INTS3: variants seen among roughly 807,000 people sequenced by gnomAD.
The protein encoded by INTS3 is SOSS complex subunit A.
In INTS3, 34 loss-of-function variants were observed where a neutral mutation model predicts 146.3. The ratio of observed to expected loss-of-function variants is 0.23; its 90% CI spans 0.18 to 0.31. The LOEUF (loss-of-function observed/expected upper bound fraction) is 0.31. INTS3 is among the 10% of genes least tolerant of loss of function. The pLI is 1.00. For missense variants in INTS3, 757 were observed against 1,304.2 expected (o/e 0.58, Z 6.46); for synonymous variants, 475 against 494.9 (o/e 0.96, Z 0.53).
At chr1:153,744,047 G>A (rs1312128906) in intron 3 of INTS3, among the ~76,000 whole-genome samples, 1 of 136,758 alleles carries the variant, frequency 7.3e-6, no homozygotes. Context: ...GCGTGTGTGT[G>A]TGTGTGTGTG....
Position 153,728,544 on chromosome 1 carries a change from G to A in INTS3, c.-91G>A. On this transcript the variant is annotated 5_prime_UTR_variant, in exon 1 of 30. Coordinates refer to ENST00000318967, the MANE Select transcript of INTS3 (RefSeq NM_023015.5). ...CTCCCCTCCCCAACTTGTTCCTCTT[G>A]CCCCCCAGTCCCTGGCAATCCAGAG... The A allele has an allele frequency of 2.1e-6, 3 of 1,457,418 alleles. No individual in the cohort carries two copies. The highest frequency in any genetic ancestry group is 2.7e-6 in the Non-Finnish European group (3 of 1,093,924). The allele number at this position is 1,457,418 out of a possible 1,614,324, so 90.3% of individuals were successfully genotyped here.
Position 153,747,314 on chromosome 1 carries a change from G to A in INTS3, c.468G>A (p.Gly156=), listed in dbSNP as rs1288341879. ...VWLVRELVKS[G]VLGADGVCMT... is the part of the protein sequence containing the mutation. ...TGGTACGGGAACTGGTGAAGAGTGG[G>A]GTTCTGGGAGCCGATGGTGTTTGTA... Residue 156 remains glycine, a synonymous_variant, in exon 5 of 30, where the codon GGG becomes GGA. Transcript: ENST00000318967. 1.2e-6 allele frequency: 2 copies of A among 1,614,050 alleles called. No individual in the cohort carries two copies. Among genetic ancestry groups the A allele is most frequent in the African/African-American group, 1.3e-5 (1 of 74,922 alleles).
intron 15 of INTS3, 146 bp from the exon 16 acceptor site, chr1:153,763,087 C>A: frequency 8.8e-7 from 1 of 1,133,712 alleles, no homozygotes; most frequent in Non-Finnish European, 1.3e-6. Context: ...TGTGCACAGT[C>A]AGGGAGATGC....
At chr1:153,771,693 G>C (rs1466369854) in intron 25 of INTS3, 103 bp from the exon 26 acceptor site, 15 of 1,091,346 alleles carry the variant, frequency 1.4e-5, no homozygotes, top group Non-Finnish European at 1.7e-5. Context: ...TGTGAGAGTA[G>C]TGGGTGGGTG....
chr1:153,763,746 G>A, intron 16 of INTS3, 86 bp from the exon 17 acceptor site: 1 of 1,132,848 alleles, frequency 8.8e-7, no homozygotes. Flanking sequence ...GTGCATGTGA[G>A]TGTGCTTGTG....
chr1:153,768,274 G>C (rs1160122310), intron 21 of INTS3, among the ~76,000 whole-genome samples: 1 of 152,158 alleles, frequency 6.6e-6, no homozygotes, highest in Non-Finnish European at 1.5e-5. Flanking sequence ...CTAGGAACTG[G>C]GACATAACAG....
intron 25 of INTS3, 95 bp downstream of exon 25, chr1:153,770,828 AT>A: frequency 2.1e-6 from 2 of 971,416 alleles, no homozygotes; most frequent in Non-Finnish European, 3.3e-6. Flanking sequence ...TTATTGCCAT[AT>A]TTTTTCCTGT....
intron 20 of INTS3, chr1:153,767,356 A>G: frequency 3.6e-6 from 1 of 279,146 alleles, no homozygotes; most frequent in Non-Finnish European, 6.7e-6. Context: ...GAGCCCAGAA[A>G]GCAAGAGAGA....
rs562685738 is a variant in INTS3 at position 153,759,197 on chromosome 1, C to T, written c.1150-329C>T. Among the ~76,000 whole-genome samples the T allele has an allele frequency of 9.8e-4, 148 of 151,366 alleles. 1 individual carries two copies. The highest frequency in any genetic ancestry group is 1.8e-3 in the Non-Finnish European group (123 of 67,932). ...GCTGAGGTGAGAGGCTCTCTCGAGCCTGGGCGGTGGAGGTTGCAGTGAGCT... is the reference window on the plus strand; with the variant it reads ...GCTGAGGTGAGAGGCTCTCTCGAGCTTGGGCGGTGGAGGTTGCAGTGAGCT... On this transcript the variant is annotated intron_variant, in intron 10 of 29. Coordinates refer to ENST00000318967, the MANE Select transcript of INTS3 (RefSeq NM_023015.5).
chr1:153,756,510 T>C (rs1672167804), intron 9 of INTS3, among the ~76,000 whole-genome samples: 1 of 149,380 alleles, frequency 6.7e-6, no homozygotes, highest in Non-Finnish European at 1.5e-5. Context: ...AATGAGACCC[T>C]GTCTCTTAAA....
chr1:153,735,666 A>G (rs993738512), intron 1 of INTS3, among the ~76,000 whole-genome samples: 3 of 152,190 alleles, frequency 2.0e-5, no homozygotes, highest in African/African-American at 4.8e-5. Flanking sequence ...AGTAAGAGCA[A>G]TCTGAACCTA....
At chr1:153,732,941 G>A (rs1310205661) in intron 1 of INTS3, among the ~76,000 whole-genome samples, 1 of 149,896 alleles carries the variant, frequency 6.7e-6, no homozygotes, top group Non-Finnish European at 1.5e-5. Context: ...GTAGCTAGGA[G>A]TAAAGGCACG....
chr1:153,751,204 GA>G lies in INTS3; in HGVS notation c.696del (p.Val233Ter). The G allele has an allele frequency of 6.2e-7, 1 of 1,614,200 alleles. No individual in the cohort carries two copies. Among genetic ancestry groups the G allele is most frequent in the Non-Finnish European group, 8.5e-7 (1 of 1,180,030 alleles). On this transcript the variant is annotated frameshift_variant, in exon 7 of 30. Coordinates refer to ENST00000318967, the MANE Select transcript of INTS3 (RefSeq NM_023015.5). LOFTEE classifies it high-confidence loss of function. ...CCAGCTCCAGGCCCTGCGACAGAAGGAAGTAGACTTCTGCATCTCACTGCTT... is the reference window on the plus strand; with the variant it reads ...CCAGCTCCAGGCCCTGCGACAGAAGGAGTAGACTTCTGCATCTCACTGCTT... The part of the protein sequence containing the change: ...TAQLQALRQK[E>X]VDFCISLLRE...
At chr1:153,758,067 T>C (rs1435475690) in intron 10 of INTS3, among the ~76,000 whole-genome samples, 8 of 152,206 alleles carry the variant, frequency 5.3e-5, no homozygotes, top group African/African-American at 1.9e-4. Flanking sequence ...TATACAGCTA[T>C]TCCTCTTAAC....
Position 153,772,511 on chromosome 1 carries a change from TG to T in INTS3, c.2821+76del. 6.2e-7 allele frequency: 1 copy of T among 1,613,312 alleles called. No homozygotes were observed. Among genetic ancestry groups the T allele is most frequent in the South Asian group, 1.1e-5 (1 of 91,058 alleles). ...GCCCAGACTATGCCTGGAGCCAGGCTGGGGGCAGGGGCAGGACACCCGGGGC... is the reference window on the plus strand; with the variant it reads ...GCCCAGACTATGCCTGGAGCCAGGCTGGGGCAGGGGCAGGACACCCGGGGC... On this transcript the variant is annotated intron_variant, in intron 27 of 29. Coordinates refer to ENST00000318967, the MANE Select transcript of INTS3 (RefSeq NM_023015.5). This position sits in a 1 kb window ranked among gnomAD's most constrained non-coding sequence, Gnocchi z 4.6.
Position 153,765,965 on chromosome 1 carries a change from C to T in INTS3, c.2090+902C>T, listed in dbSNP as rs574367630. On this transcript the variant is annotated intron_variant, in intron 20 of 29. Transcript: ENST00000318967. ...TATCACCCCAAAAAGAAATCTCATA[C>T]TCATTAGCAATCACTTTGCCATTTT... Among the ~76,000 whole-genome samples the T allele has an allele frequency of 5.3e-5, 8 of 152,240 alleles. No homozygotes were observed. In the South Asian group the frequency reaches 1.7e-3, roughly 32 times the overall value.
intron 20 of INTS3, chr1:153,766,803 C>T (rs1172765143): frequency 6.6e-6 from 1 of 151,710 alleles, no homozygotes; most frequent in Non-Finnish European, 1.5e-5. Flanking sequence ...AATTCTCCTG[C>T]CTCAGCCTGC....
In INTS3 at chr1:153,773,065, G is replaced by A. The variant is rs1241740990; in HGVS notation, c.3035G>A (p.Gly1012Asp). The change falls in exon 29 of 30, where the codon GGC becomes GAC. Residue 1012 changes from glycine to aspartate, a missense_variant. Transcript: ENST00000318967. Reference protein sequence around the residue: ...TQPPNAEEESGSSSASEEEDT... With the variant: ...TQPPNAEEESDSSSASEEEDT... Reference sequence around the variant, plus strand: ...CCCCCCAATGCCGAAGAAGAGTCGGGCTCCAGCAGTGCTTCAGTGAGAACC... The same window carrying A: ...CCCCCCAATGCCGAAGAAGAGTCGGACTCCAGCAGTGCTTCAGTGAGAACC... 1.2e-6 allele frequency: 2 copies of A among 1,614,166 alleles called. No individual in the cohort carries two copies. The highest frequency in any genetic ancestry group is 1.7e-6 in the Non-Finnish European group (2 of 1,180,036).
At chr1:153,748,450 C>G in intron 5 of INTS3, 1 of 557,310 alleles carries the variant, frequency 1.8e-6, no homozygotes, top group Non-Finnish European at 3.3e-6. Flanking sequence ...AACTCACAAT[C>G]TGTGGGAAAG....
Sources: allele counts gnomAD v4.1 joint callset (sites outside exome capture counted in the v4.1 genomes callset), GRCh38; gene constraint gnomAD v4.1.1; non-coding constraint Gnocchi (gnomAD v3.1); transcripts MANE v1.5; gene names NCBI Gene and HGNC (gene_info 2026-07-23, HGNC 2026-07-21).